Variants in CEP41 observed in about 807,000 individuals in gnomAD.
The protein encoded by CEP41 is centrosomal protein of 41 kDa.
In CEP41, 32 loss-of-function variants were observed where a neutral mutation model predicts 44.3. That is an observed-to-expected ratio of 0.72 (90% CI 0.54 to 0.97). The LOEUF is 0.97. Among genes scored for constraint, CEP41 ranks in the 50% least tolerant of loss-of-function variants. The pLI is 0.00. For synonymous variants in CEP41, 151 were observed against 168.5 expected (o/e 0.90, Z 0.80); for missense variants, 432 against 455.2 (o/e 0.95, Z 0.46).
At position 130,397,564 on chromosome 7, in the gene CEP41, A is replaced by G. The variant is rs782747893; in HGVS notation, c.*1327T>C. On this transcript the variant is annotated 3_prime_UTR_variant, in exon 11 of 11. Transcript: ENST00000223208. ...CGAGAAAATAGTACTGTTAAGGCAA[A>G]TCTTACCCCGTAGCAGTTACCAGCA... is the stretch of plus-strand genomic sequence containing the variant. The G allele has an allele frequency of 4.5e-6, 2 of 441,816 alleles. No homozygotes were observed. Among genetic ancestry groups the G allele is most frequent in the South Asian group, 3.1e-5 (2 of 63,596 alleles). The allele number at this position is 441,816 out of a possible 1,614,324, so 27.4% of individuals were successfully genotyped here.
chr7:130,418,106 C>G (rs531190362), intron 2 of CEP41, among the ~76,000 whole-genome samples: 1 of 151,816 alleles, frequency 6.6e-6, no homozygotes, highest in South Asian at 2.1e-4. Context: ...CTTTTCTTTT[C>G]TTTTTTTTGG....
chr7:130,419,859 T>A, intron 2 of CEP41: 1 of 985,342 alleles, frequency 1.0e-6, no homozygotes. Flanking sequence ...TGAGCCTCTA[T>A]AGCACTCGGC....
intron 6 of CEP41, among the ~76,000 whole-genome samples, chr7:130,403,315 T>C (rs1266816314): frequency 2.6e-5 from 4 of 152,148 alleles, no homozygotes; most frequent in African/African-American, 9.7e-5. Flanking sequence ...TAGCTCTCTG[T>C]ACTTACTCCA....
intron 1 of CEP41, among the ~76,000 whole-genome samples, chr7:130,439,378 A>C (rs930763499): frequency 6.6e-6 from 1 of 152,006 alleles, no homozygotes; most frequent in Non-Finnish European, 1.5e-5. Context: ...GGGAGTAAAA[A>C]GTTGTACATG....
At chr7:130,421,104 G>A (rs1584893406) in intron 2 of CEP41, 1 of 984,822 alleles carries the variant, frequency 1.0e-6, no homozygotes, top group East Asian at 1.1e-4. Flanking sequence ...TTAGAATCAA[G>A]AGGAAGAAAC....
intron 2 of CEP41, among the ~76,000 whole-genome samples, chr7:130,422,695 A>T (rs1296651648): frequency 6.6e-6 from 1 of 152,206 alleles, no homozygotes; most frequent in Non-Finnish European, 1.5e-5. Context: ...GAACACTAGA[A>T]TAAGATTTCT....
chr7:130,430,736 AT>A (rs782527935), intron 1 of CEP41, among the ~76,000 whole-genome samples: 1 of 151,808 alleles, frequency 6.6e-6, no homozygotes, highest in Non-Finnish European at 1.5e-5. Context: ...GGGCTAAGGG[AT>A]TTTTTTTCTG....
chr7:130,417,405 T>C, intron 2 of CEP41: 1 of 1,001,632 alleles, frequency 1.0e-6, no homozygotes, highest in African/African-American at 1.7e-5. Flanking sequence ...CAAGCAACTC[T>C]CTCCTCTCGG....
intron 5 of CEP41, chr7:130,410,907 A>C: frequency 3.3e-6 from 2 of 613,804 alleles, no homozygotes; most frequent in Non-Finnish European, 5.8e-6. Context: ...AAACATTTAA[A>C]ACTGTAAGTG....
At chr7:130,411,323 A>G (rs1797176965) in intron 4 of CEP41, 132 bp from the exon 5 acceptor site, 2 of 742,212 alleles carry the variant, frequency 2.7e-6, no homozygotes, top group South Asian at 1.5e-5. Context: ...AGTGTCCTCA[A>G]CTGAACGCTG....
intron 2 of CEP41, chr7:130,419,615 A>C (rs1797440778): frequency 1.0e-6 from 1 of 984,568 alleles, no homozygotes; most frequent in African/African-American, 1.7e-5. Flanking sequence ...ACTGCCAGAT[A>C]CATTTTCCCA....
upstream of CEP41, among the ~76,000 whole-genome samples, chr7:130,441,569 T>C (rs904698089): frequency 5.3e-5 from 8 of 152,258 alleles, no homozygotes; most frequent in Non-Finnish European, 7.3e-5. Context: ...TAAAAGCTTT[T>C]AGGCTAGCTA....
chr7:130,402,758 G>A lies in CEP41; in HGVS notation c.464C>T (p.Pro155Leu). 1 of 1,614,108 alleles carries A rather than the reference G, an allele frequency of 6.2e-7. No homozygotes were observed. Among genetic ancestry groups the A allele is most frequent in the South Asian group, 1.1e-5 (1 of 91,060 alleles). ...GVGELDLDKG[P>L]VKKAEPHTKD... is the part of the protein sequence containing the mutation. ...GGTATGGGGCTCTGCTTTCTTCACT[G>A]GCCCTTTGTCTAGATCCAGTTCCCC... Residue 155 changes from proline to leucine, a missense_variant, in exon 7 of 11, where the codon CCA becomes CTA. Transcript: ENST00000223208.
intron 1 of CEP41, 152 bp downstream of exon 1, chr7:130,440,782 G>GCCCCCCCCCCCCCTCAACCCCACCCCCCC: frequency 1.9e-6 from 1 of 531,118 alleles, no homozygotes; most frequent in South Asian, 1.7e-5. Flanking sequence ...CCCAAGCCCG[G>GCCCCCCCCCCCCCTCAACCCCACCCCCCC]CCCGCCCCGC....
intron 7 of CEP41, 41 bp downstream of exon 7, chr7:130,402,607 G>C (rs199952406): frequency 1.2e-6 from 2 of 1,611,090 alleles, no homozygotes; most frequent in African/African-American, 2.7e-5. Context: ...CAGGCTCTCT[G>C]TTCTTGAGAG....
At position 130,414,802 on chromosome 7, in the gene CEP41, G is replaced by A. The variant is rs564615161; in HGVS notation, c.145+2117C>T. Among the ~76,000 whole-genome samples the A allele has an allele frequency of 8.9e-4, 135 of 152,362 alleles. 1 individual carries two copies. Among genetic ancestry groups the A allele is most frequent in the Non-Finnish European group, 1.6e-3 (110 of 68,024 alleles). ...TTTTTATAAAAAGGATGACTTGGAA[G>A]GCTCTGTCAGTCTGTCCTCGCAAGA... On this transcript the variant is annotated intron_variant, in intron 3 of 10. Transcript: ENST00000223208.
chr7:130,426,999 C>T (rs1797684656), intron 2 of CEP41: 1 of 159,318 alleles, frequency 6.3e-6, no homozygotes, highest in Admixed American at 6.1e-5. Flanking sequence ...GAAATAGCAT[C>T]TGCAAATGAG....
At chr7:130,433,821 C>G (rs901760401) in intron 1 of CEP41, among the ~76,000 whole-genome samples, 1 of 152,192 alleles carries the variant, frequency 6.6e-6, no homozygotes, top group Non-Finnish European at 1.5e-5. Flanking sequence ...TCTTGTAGAT[C>G]TCTGTACCTA....
upstream of CEP41, chr7:130,441,065 C>A: frequency 7.4e-7 from 1 of 1,354,338 alleles, no homozygotes; most frequent in Non-Finnish European, 1.0e-6. Context: ...CTCCCTATAC[C>A]CTCTTCTCCG....
Sources: gnomAD v4.1 joint callset for allele counts (sites outside exome capture counted in the v4.1 genomes callset) on GRCh38, gnomAD v4.1.1 for gene constraint, MANE v1.5 for transcripts, NCBI Gene and HGNC (gene_info 2026-07-23, HGNC 2026-07-21) for gene names.